Variants in CCDC171 observed in about 807,000 individuals in gnomAD.
The protein encoded by CCDC171 is coiled-coil domain containing 171.
CCDC171 carries 177 observed loss-of-function variants against 168.2 expected under a neutral mutation model. The ratio of observed to expected loss-of-function variants is 1.05; its 90% confidence interval spans 0.93 to 1.19. The LOEUF is 1.19. Ranked by LOEUF, CCDC171 falls within the 50% of genes most tolerant of loss-of-function variation. The pLI, the probability that CCDC171 is intolerant of heterozygous loss-of-function variation, is 0.00. For synonymous variants in CCDC171, 687 were observed against 540.8 expected (o/e 1.27, Z -3.75); for missense variants, 1,991 against 1,539.0 (o/e 1.29, Z -4.91).
chr9:16,082,638 A>G, the CCDC171 span, among the ~76,000 whole-genome samples: 1 of 152,214 alleles, frequency 6.6e-6, no homozygotes, highest in Non-Finnish European at 1.5e-5. Context: ...AAATTTATAT[A>G]TCTGTGGAGA....
chr9:16,076,825 C>A, the CCDC171 span, among the ~76,000 whole-genome samples: 1 of 152,176 alleles, frequency 6.6e-6, no homozygotes, highest in Non-Finnish European at 1.5e-5. Flanking sequence ...TATTAGGCTC[C>A]ATATCGTGGG....
At chr9:15,774,381 A>G (rs10962151) in intron 18 of CCDC171, among the ~76,000 whole-genome samples, 55,862 of 151,726 alleles carry the variant, frequency 0.37, 12,791 homozygotes, top group East Asian at 0.65. Flanking sequence ...AGATCGGGAA[A>G]TGTAAATCAA....
chr9:15,663,361 C>G (rs1223223161), intron 8 of CCDC171, among the ~76,000 whole-genome samples: 1 of 151,862 alleles, frequency 6.6e-6, no homozygotes, highest in African/African-American at 2.4e-5. Context: ...ACTTTATTTT[C>G]TGAAAAGGTA....
chr9:15,916,637 A>T (rs1369533022), intron 24 of CCDC171, among the ~76,000 whole-genome samples: 2 of 152,054 alleles, frequency 1.3e-5, no homozygotes, highest in African/African-American at 4.8e-5. Flanking sequence ...CTACTTAATA[A>T]TATGTACATA....
intron 3 of CCDC171, among the ~76,000 whole-genome samples, chr9:15,577,439 T>C (rs1231378650): frequency 6.6e-6 from 1 of 152,212 alleles, no homozygotes; most frequent in Non-Finnish European, 1.5e-5. Flanking sequence ...CCTAAACAAC[T>C]GCACACCATA....
intron 3 of CCDC171, among the ~76,000 whole-genome samples, chr9:16,009,479 A>T (rs927735602): frequency 4.6e-5 from 7 of 152,174 alleles, no homozygotes; most frequent in Admixed American, 3.3e-4. Flanking sequence ...AAGGAGAGTT[A>T]TGTCTTATTT....
At chr9:15,601,592 C>T (rs1351575521) in intron 6 of CCDC171, among the ~76,000 whole-genome samples, 3 of 152,112 alleles carry the variant, frequency 2.0e-5, no homozygotes, top group Non-Finnish European at 2.9e-5. Context: ...CTGATTAAGA[C>T]CTGGTTTCTG....
chr9:15,628,994 C>G (rs1457065993), intron 7 of CCDC171, among the ~76,000 whole-genome samples: 2 of 152,190 alleles, frequency 1.3e-5, no homozygotes, highest in East Asian at 1.9e-4. Flanking sequence ...GGAAAACTAA[C>G]AAACAGAAAG....
At chr9:16,056,490 ATTTTGTTTTG>A (rs1273584810) in intron 1 of CCDC171, among the ~76,000 whole-genome samples, 1 of 151,460 alleles carries the variant, frequency 6.6e-6, no homozygotes, top group Non-Finnish European at 1.5e-5. Context: ...CTTTTGTTTT[ATTTTGTTTTG>A]TTTTCGAGAT....
At chr9:15,967,021 A>C (rs1012656881) in intron 25 of CCDC171, among the ~76,000 whole-genome samples, 2 of 152,166 alleles carry the variant, frequency 1.3e-5, no homozygotes, top group African/African-American at 2.4e-5. Flanking sequence ...AAAATAGAGT[A>C]TTCCACAAGA....
chr9:15,593,774 C>G (rs536998026), intron 5 of CCDC171, among the ~76,000 whole-genome samples: 1 of 151,680 alleles, frequency 6.6e-6, no homozygotes, highest in African/African-American at 2.4e-5. Context: ...GTATATACAG[C>G]CTGTTGCTTA....
chr9:16,005,526 G>T (rs1057121084), intron 3 of CCDC171, among the ~76,000 whole-genome samples: 24 of 152,100 alleles, frequency 1.6e-4, no homozygotes, highest in Admixed American at 1.5e-3. Context: ...GTATCTGCAG[G>T]TTCTACGTCT....
intron 21 of CCDC171, among the ~76,000 whole-genome samples, chr9:15,824,404 A>G (rs1387222672): frequency 6.6e-6 from 1 of 152,034 alleles, no homozygotes; most frequent in African/African-American, 2.4e-5. Flanking sequence ...TTAGAAATAT[A>G]TTCTGTGATG....
intron 1 of CCDC171, among the ~76,000 whole-genome samples, chr9:15,562,903 A>T (rs560862843): frequency 1.1e-4 from 12 of 104,614 alleles, no homozygotes; most frequent in African/African-American, 3.9e-4. Context: ...GAAGAGCTTG[A>T]TAGACTCCTT....
At chr9:15,649,984 G>C (rs2132752263) in intron 7 of CCDC171, among the ~76,000 whole-genome samples, 1 of 152,170 alleles carries the variant, frequency 6.6e-6, no homozygotes, top group South Asian at 2.1e-4. Context: ...CAATAGCAAA[G>C]ACTTGGAACC....
chr9:16,072,055 T>A, the CCDC171 span, among the ~76,000 whole-genome samples: 17 of 152,208 alleles, frequency 1.1e-4, no homozygotes, highest in Non-Finnish European at 2.4e-4. Context: ...ATTCTTGGAG[T>A]GTGGGAAGTG....
chr9:15,606,504 A>T (rs1319853424), intron 6 of CCDC171, among the ~76,000 whole-genome samples: 1 of 152,180 alleles, frequency 6.6e-6, no homozygotes, highest in Non-Finnish European at 1.5e-5. Flanking sequence ...AGAGAGGAGG[A>T]ACTTGTTCTG....
At chr9:15,643,494 A>G (rs77064156) in intron 7 of CCDC171, among the ~76,000 whole-genome samples, 2,291 of 152,268 alleles carry the variant, frequency 0.015, 69 homozygotes, top group African/African-American at 0.053. Flanking sequence ...CCACAATGAG[A>G]ATCAGAAGTT....
At chr9:15,631,853 A>G (rs1247645417) in intron 7 of CCDC171, among the ~76,000 whole-genome samples, 1 of 152,230 alleles carries the variant, frequency 6.6e-6, no homozygotes, top group African/African-American at 2.4e-5. Context: ...CTGGGATGCA[A>G]GGCTGTTTCA....
Sources: allele counts gnomAD v4.1 joint callset (sites outside exome capture counted in the v4.1 genomes callset), GRCh38; gene constraint gnomAD v4.1.1; transcripts MANE v1.5; gene names NCBI Gene and HGNC (gene_info 2026-07-23, HGNC 2026-07-21).